Variants in USP54 observed in about 807,000 individuals in gnomAD.
The protein encoded by USP54 is ubiquitin carboxyl-terminal hydrolase 54.
In USP54, 87 loss-of-function variants were observed where a neutral mutation model predicts 170.5. That is an observed-to-expected ratio of 0.51 (90% CI 0.43 to 0.61). USP54 has a LOEUF of 0.61. Ranked by LOEUF, USP54 falls within the 20% of genes least tolerant of loss-of-function variation. The pLI, the probability that USP54 is intolerant of heterozygous loss-of-function variation, is 0.00. For missense variants in USP54, 1,786 were observed against 2,047.8 expected (o/e 0.87, Z 2.47); for synonymous variants, 655 against 742.8 (o/e 0.88, Z 1.92).
chr10:73,561,125 A>G (rs868299922), intron 4 of USP54, among the ~76,000 whole-genome samples: 13 of 150,980 alleles, frequency 8.6e-5, no homozygotes, highest in Non-Finnish European at 1.8e-4. Flanking sequence ...AAAAAAAAAA[A>G]AAAGAAATCC....
intron 1 of USP54, among the ~76,000 whole-genome samples, chr10:73,623,407 C>G (rs147250284): frequency 2.6e-5 from 4 of 151,834 alleles, no homozygotes; most frequent in African/African-American, 9.7e-5. Context: ...AAAGAAAATT[C>G]TTACTTTGGG....
Position 73,529,897 on chromosome 10 carries a change from G to A in USP54, c.1843C>T (p.Pro615Ser), listed in dbSNP as rs777022556. 1 of 1,529,850 alleles carries A rather than the reference G, an allele frequency of 6.5e-7. No homozygotes were observed. Among genetic ancestry groups the A allele is most frequent in the Non-Finnish European group, 8.8e-7 (1 of 1,141,454 alleles). The allele number at this position is 1,529,850 out of a possible 1,614,324, so 94.8% of individuals were successfully genotyped here. Residue 615 changes from proline (P) to serine (S), a missense_variant, in exon 15 of 24, where the codon CCA (proline) becomes TCA (serine). By Grantham distance (74) the Pro-to-Ser change is moderately conservative. Transcript: ENST00000687698. ...GAAGGTGGCTTGCTTGGTTCATCTG[G>A]TATAAATTCTTTAGCTATCCCAATC... ...FSEDSAKEFIPDEPSKPPSYD... is the reference protein window; with the variant it reads ...FSEDSAKEFISDEPSKPPSYD...
At chr10:73,525,124 C>G (rs1161879790) in intron 16 of USP54, among the ~76,000 whole-genome samples, 2 of 152,058 alleles carry the variant, frequency 1.3e-5, no homozygotes, top group Non-Finnish European at 1.5e-5. Context: ...AAAAATGGTG[C>G]TTACCTATAT....
At position 73,542,797 on chromosome 10, in the gene USP54, A is replaced by G. The variant is rs1276752759; in HGVS notation, c.572+6T>C. 5 of 1,613,420 alleles carry G rather than the reference A, an allele frequency of 3.1e-6. No individual in the cohort carries two copies. The highest frequency in any genetic ancestry group is 3.4e-6 in the Non-Finnish European group (4 of 1,179,836). On this transcript the variant is annotated splice_donor_region_variant and intron_variant, in intron 7 of 23. Transcript: ENST00000687698. ...AACGCACAACAGAAAATCTTGTAAG[A>G]CTCACCAAAGGGAAGTGGTGGAGAT...
intron 4 of USP54, among the ~76,000 whole-genome samples, chr10:73,554,003 T>C (rs2133634968): frequency 6.6e-6 from 1 of 152,340 alleles, no homozygotes; most frequent in South Asian, 2.1e-4. Flanking sequence ...AGAAGTGCCA[T>C]AAAAACAGAA....
At chr10:73,548,786 A>C (rs2068504232) in intron 4 of USP54, among the ~76,000 whole-genome samples, 1 of 152,190 alleles carries the variant, frequency 6.6e-6, no homozygotes, top group Non-Finnish European at 1.5e-5. Context: ...ATAAATGACG[A>C]ACTGATGGGT....
intron 10 of USP54, among the ~76,000 whole-genome samples, chr10:73,538,932 C>CT (rs2065911396): frequency 6.6e-6 from 1 of 152,104 alleles, no homozygotes; most frequent in Admixed American, 6.6e-5. Context: ...AACTAGCCAT[C>CT]TTCAGGGGAA....
At chr10:73,578,953 T>C (rs2076497573) in intron 1 of USP54, among the ~76,000 whole-genome samples, 1 of 151,390 alleles carries the variant, frequency 6.6e-6, no homozygotes, top group African/African-American at 2.4e-5. Context: ...TTTTTTTTTT[T>C]TTTTTTTGAG....
chr10:73,619,354 C>T (rs1362640609), intron 1 of USP54, among the ~76,000 whole-genome samples: 13 of 149,940 alleles, frequency 8.7e-5, no homozygotes, highest in East Asian at 5.8e-4. Context: ...CAGCCTCCTA[C>T]GTAGCTGGGG....
chr10:73,504,786 G>A (rs959995856), intron 22 of USP54, 64 bp downstream of exon 22: 6 of 1,606,116 alleles, frequency 3.7e-6, no homozygotes, highest in Non-Finnish European at 5.1e-6. Context: ...TTCTTCACCT[G>A]CACTGTATTT....
At chr10:73,501,504 C>T (rs1027495198) in intron 22 of USP54, among the ~76,000 whole-genome samples, 2 of 152,166 alleles carry the variant, frequency 1.3e-5, no homozygotes, top group African/African-American at 4.8e-5. Flanking sequence ...CCTAAATCAC[C>T]CATATTCAAA....
rs369843728 is a variant in USP54, at chr10:73,542,020, T to C, written c.573-282A>G. 9.1e-4 allele frequency: 365 copies of C among 402,614 alleles called. 2 individuals are homozygous for C. The highest frequency in any genetic ancestry group is 3.2e-3 in the African/African-American group (158 of 49,596). The allele number at this position is 402,614 out of a possible 1,614,324, so 24.9% of individuals were successfully genotyped here. ...GGAAAGAAGGAGAACAAAAATTATT[T>C]TTAAATTACTGTTCTGCATTCCTAC... On this transcript the variant is annotated intron_variant, in intron 7 of 23. Coordinates refer to ENST00000687698, the MANE Select transcript of USP54 (RefSeq NM_001391956.1).
chr10:73,497,795 A>C lies in USP54; in HGVS notation c.*834T>G, dbSNP rs891128553. On this transcript the variant is annotated 3_prime_UTR_variant, in exon 24 of 24. Coordinates refer to ENST00000687698, the MANE Select transcript of USP54 (RefSeq NM_001391956.1). ...ACAGGGAATGCTGACAGGCCATAAT[A>C]CCTGGGCAGGGGGGCTGCCCTGATG... The C allele has an allele frequency of 7.2e-5, 11 of 152,258 alleles. No homozygotes were observed. Among genetic ancestry groups the C allele is most frequent in the Admixed American group, 4.6e-4 (7 of 15,286 alleles). The allele number at this position is 152,258 out of a possible 1,614,324, so 9.4% of individuals were successfully genotyped here.
rs1564583299 is a variant in USP54 at position 73,498,583 on chromosome 10, G to A, written c.*46C>T. 1 of 1,502,438 alleles carries A rather than the reference G, an allele frequency of 6.7e-7. No homozygotes were observed. Among genetic ancestry groups the A allele is most frequent in the Admixed American group, 2.3e-5 (1 of 43,544 alleles). 93.1% of individuals were successfully genotyped at this position (1,502,438 alleles called of 1,614,324 possible). On this transcript the variant is annotated 3_prime_UTR_variant, in exon 24 of 24. Transcript: ENST00000687698. The stretch of plus-strand genomic sequence containing the variant: ...GCCACCGCGCCCGGCCCACAGTACA[G>A]TTTTACAAAGAAAGGTGTAGCTCCA...
intron 17 of USP54, among the ~76,000 whole-genome samples, chr10:73,522,778 G>C (rs1444656926): frequency 6.6e-6 from 1 of 152,130 alleles, no homozygotes; most frequent in Non-Finnish European, 1.5e-5. Context: ...AGGATTACTT[G>C]GCCCAAGAAG....
rs373652736 is a variant in USP54 at position 73,580,944 on chromosome 10, T to C, written c.-581-4583A>G. On this transcript the variant is annotated intron_variant, in intron 1 of 23. Coordinates refer to ENST00000687698, the MANE Select transcript of USP54 (RefSeq NM_001391956.1). ...AGCATAGCAGCAGTAGGCTATATCG[T>C]ATAGTCTAGGTGTGTAGTAGGCTAT... 7.9e-4 allele frequency among the ~76,000 whole-genome samples: 120 copies of C among 152,290 alleles called. 1 individual carries two copies. The South Asian group carries it at 0.017, about 22-fold the overall frequency.
intron 1 of USP54, among the ~76,000 whole-genome samples, chr10:73,588,864 C>A (rs2077860553): frequency 6.6e-6 from 1 of 152,178 alleles, no homozygotes; most frequent in African/African-American, 2.4e-5. Context: ...CTAATACTAG[C>A]AATCTTTTCC....
chr10:73,602,755 C>CT (rs2079282015), intron 1 of USP54, among the ~76,000 whole-genome samples: 1 of 146,180 alleles, frequency 6.8e-6, no homozygotes, highest in Non-Finnish European at 1.5e-5. Flanking sequence ...ACTTGGGAGA[C>CT]TGAGACAGGA....
At position 73,498,698 on chromosome 10, in the gene USP54, C is replaced by G. The variant is rs1382259301; in HGVS notation, c.4986G>C (p.Leu1662=). 1.2e-5 allele frequency: 19 copies of G among 1,607,680 alleles called. No individual in the cohort carries two copies. Among genetic ancestry groups the G allele is most frequent in the Non-Finnish European group, 1.6e-5 (19 of 1,176,570 alleles). ...GHRRTVGEGF[L]FVLSDAPRRE... The stretch of plus-strand genomic sequence containing the variant: ...TTCTGGGAGCATCTGATAGAACAAA[C>G]AGAAACCCCTCTCCCACTGTTCTCC... The change falls in exon 24 of 24, where the codon CTG becomes CTC. Residue 1662 remains leucine (L), a synonymous_variant. Coordinates refer to ENST00000687698, the MANE Select transcript of USP54 (RefSeq NM_001391956.1).
Sources: gnomAD v4.1 joint callset for allele counts (sites outside exome capture counted in the v4.1 genomes callset) on GRCh38, gnomAD v4.1.1 for gene constraint, MANE v1.5 for transcripts, NCBI Gene and HGNC (gene_info 2026-07-23, HGNC 2026-07-21) for gene names.